Variants in KCNIP4 observed in about 807,000 individuals in gnomAD.
KCNIP4 encodes the protein Kv channel-interacting protein 4.
KCNIP4 carries 12 observed loss-of-function variants against 34.0 expected under a neutral mutation model. The ratio of observed to expected loss-of-function variants is 0.35; its 90% CI spans 0.23 to 0.57. The LOEUF (loss-of-function observed/expected upper bound fraction) is 0.57. Ranked by LOEUF, KCNIP4 falls within the 20% of genes least tolerant of loss-of-function variation. The pLI is 0.83. For synonymous variants in KCNIP4, 124 were observed against 102.2 expected (o/e 1.21, Z -1.29); for missense variants, 238 against 311.7 (o/e 0.76, Z 1.78).
intron 1 of KCNIP4, among the ~76,000 whole-genome samples, chr4:21,564,004 T>C (rs899746252): frequency 3.9e-5 from 6 of 152,086 alleles, no homozygotes; most frequent in African/African-American, 1.4e-4. Flanking sequence ...AATTAATATA[T>C]CTAAGACATT....
intron 1 of KCNIP4, among the ~76,000 whole-genome samples, chr4:21,156,470 G>A (rs572167872): frequency 1.4e-4 from 21 of 152,268 alleles, no homozygotes; most frequent in African/African-American, 4.6e-4. Flanking sequence ...GTCAATGCAC[G>A]GAAAGAGCTA....
rs1755761968 is a variant in KCNIP4, at chr4:21,192,921, ACTACTACTACTACTACTACTACTACTACT to A, written c.62-310241_62-310213del. On this transcript the variant is annotated intron_variant, in intron 1 of 8. Coordinates refer to ENST00000382152, the MANE Select transcript of KCNIP4 (RefSeq NM_025221.6). ...CCAGCCCTGCCGCCCCGTCTCTACT[ACTACTACTACTACTACTACTACTACTACT>A]ACTAATAATAATAATAATTAGTTGG... Among the ~76,000 whole-genome samples, 5 of 143,124 alleles carry A rather than the reference ACTACTACTACTACTACTACTACTACTACT, an allele frequency of 3.5e-5. 1 individual carries two copies. The highest frequency in any genetic ancestry group is 7.2e-5 in the Admixed American group (1 of 13,906). 93.9% of individuals were successfully genotyped at this position (143,124 alleles called of 152,430 possible). A position where few individuals can be genotyped will look rare whatever the true frequency, so the allele number is the denominator to read the frequency against.
chr4:21,127,097 G>C (rs143361191), intron 1 of KCNIP4, among the ~76,000 whole-genome samples: 2 of 152,156 alleles, frequency 1.3e-5, no homozygotes, highest in East Asian at 3.9e-4. Flanking sequence ...TCTTCATTTG[G>C]ATTTTCATGA....
chr4:21,543,984 C>A (rs1317093647), intron 1 of KCNIP4, among the ~76,000 whole-genome samples: 1 of 152,150 alleles, frequency 6.6e-6, no homozygotes. Context: ...GACTCCTAAA[C>A]TAGCCTTGTA....
intron 1 of KCNIP4, among the ~76,000 whole-genome samples, chr4:21,232,498 A>G (rs954827806): frequency 6.6e-6 from 1 of 152,176 alleles, no homozygotes; most frequent in Non-Finnish European, 1.5e-5. Flanking sequence ...CAAATTTAAG[A>G]ATGATTTTTA....
chr4:20,747,562 C>T (rs1459909533), intron 5 of KCNIP4, among the ~76,000 whole-genome samples: 1 of 152,180 alleles, frequency 6.6e-6, no homozygotes. Context: ...TCTCCTCTCC[C>T]TCCACTAACT....
At chr4:21,526,847 C>T (rs1339210071) in intron 1 of KCNIP4, among the ~76,000 whole-genome samples, 3 of 152,160 alleles carry the variant, frequency 2.0e-5, no homozygotes, top group African/African-American at 7.2e-5. Context: ...ATTGAAACAA[C>T]TCACTCCTCC....
intron 1 of KCNIP4, among the ~76,000 whole-genome samples, chr4:21,833,071 A>G (rs1723096587): frequency 6.7e-6 from 1 of 150,304 alleles, no homozygotes; most frequent in Non-Finnish European, 1.5e-5. Flanking sequence ...GTGTCTTTAT[A>G]GCAGCATGAT....
At chr4:21,828,330 G>C (rs1203984088) in intron 1 of KCNIP4, among the ~76,000 whole-genome samples, 1 of 151,794 alleles carries the variant, frequency 6.6e-6, no homozygotes, top group African/African-American at 2.4e-5. Flanking sequence ...AACAAAGACA[G>C]AGGGAATATG....
chr4:21,214,821 G>A (rs1237107981), intron 1 of KCNIP4, among the ~76,000 whole-genome samples: 1 of 152,088 alleles, frequency 6.6e-6, no homozygotes, highest in Non-Finnish European at 1.5e-5. Flanking sequence ...TAATTCCAGG[G>A]AGAGACATGC....
intron 1 of KCNIP4, among the ~76,000 whole-genome samples, chr4:21,439,030 C>T (rs1188057032): frequency 1.3e-5 from 2 of 151,868 alleles, no homozygotes; most frequent in African/African-American, 2.4e-5. Context: ...GGCGTGGCGG[C>T]GGGCGCCTGT....
At chr4:21,249,480 A>T (rs1467357120) in intron 1 of KCNIP4, among the ~76,000 whole-genome samples, 1 of 152,064 alleles carries the variant, frequency 6.6e-6, no homozygotes, top group East Asian at 1.9e-4. Flanking sequence ...ATACCCTGCT[A>T]ACTCTATGAA....
intron 1 of KCNIP4, among the ~76,000 whole-genome samples, chr4:21,818,834 C>T (rs953980406): frequency 6.6e-6 from 1 of 152,162 alleles, no homozygotes. Flanking sequence ...ATAATTCATT[C>T]TGTGAGACTA....
intron 2 of KCNIP4, among the ~76,000 whole-genome samples, chr4:20,864,201 T>TAC (rs1049358919): frequency 1.3e-5 from 2 of 150,732 alleles, no homozygotes; most frequent in African/African-American, 4.9e-5. Context: ...CATATGTATG[T>TAC]ACACACATGC....
intron 1 of KCNIP4, among the ~76,000 whole-genome samples, chr4:21,125,845 A>G (rs1258513710): frequency 6.6e-6 from 1 of 152,076 alleles, no homozygotes; most frequent in Non-Finnish European, 1.5e-5. Context: ...TTATTCTAAG[A>G]GGAGATTCTA....
intron 1 of KCNIP4, among the ~76,000 whole-genome samples, chr4:21,501,432 G>A (rs1459996126): frequency 1.3e-5 from 2 of 151,932 alleles, no homozygotes; most frequent in African/African-American, 4.8e-5. Flanking sequence ...TTATTTGAAT[G>A]AAAACAGTCA....
intron 1 of KCNIP4, among the ~76,000 whole-genome samples, chr4:21,334,374 A>G (rs2109331704): frequency 6.6e-6 from 1 of 152,190 alleles, no homozygotes; most frequent in South Asian, 2.1e-4. Context: ...GAGGGGCATA[A>G]GTTTATGATA....
At chr4:21,003,035 A>G (rs1738272761) in intron 1 of KCNIP4, among the ~76,000 whole-genome samples, 1 of 152,296 alleles carries the variant, frequency 6.6e-6, no homozygotes. Flanking sequence ...CATCATAATG[A>G]CAATCACAGC....
At chr4:20,942,857 A>G (rs1277919483) in intron 1 of KCNIP4, among the ~76,000 whole-genome samples, 2 of 152,014 alleles carry the variant, frequency 1.3e-5, no homozygotes, top group Non-Finnish European at 2.9e-5. Flanking sequence ...TTTTTAGTAG[A>G]GACGGGGTTT....
Sources: gnomAD v4.1 joint callset for allele counts (sites outside exome capture counted in the v4.1 genomes callset) on GRCh38, gnomAD v4.1.1 for gene constraint, MANE v1.5 for transcripts, NCBI Gene and HGNC (gene_info 2026-07-23, HGNC 2026-07-21) for gene names.